Variants in FGD4 observed in about 807,000 individuals in gnomAD.
The protein encoded by FGD4 is FYVE, RhoGEF and PH domain-containing protein 4.
Under a neutral mutation model 102.0 loss-of-function variants are expected in FGD4, and 42 were observed. The observed-to-expected ratio is 0.41, with a 90% CI of 0.32 to 0.53. The LOEUF (loss-of-function observed/expected upper bound fraction) is 0.53. Ranked by LOEUF, FGD4 falls within the 20% of genes least tolerant of loss-of-function variation. The probability of loss-of-function intolerance (pLI) is 0.21; values close to 1 mark genes in which losing one functional copy is unlikely to be tolerated. For missense variants in FGD4, 902 were observed against 1,078.2 expected (o/e 0.84, Z 2.29); for synonymous variants, 380 against 375.7 (o/e 1.01, Z -0.13).
chr12:32,474,290 A>G (rs1222055263), intron 1 of FGD4, among the ~76,000 whole-genome samples: 3 of 152,204 alleles, frequency 2.0e-5, no homozygotes, highest in African/African-American at 7.2e-5. Flanking sequence ...TCCACAGAAA[A>G]CCTTGTACAT....
intron 11 of FGD4, among the ~76,000 whole-genome samples, chr12:32,623,155 G>T (rs972360697): frequency 3.3e-5 from 5 of 151,936 alleles, no homozygotes; most frequent in Admixed American, 3.3e-4. Context: ...ATACTATTAT[G>T]GTTGTCTATT....
At chr12:32,534,589 CAG>C in intron 1 of FGD4, 1 of 760,414 alleles carries the variant, frequency 1.3e-6, no homozygotes, top group South Asian at 3.3e-5. Context: ...GTAAAAGTGG[CAG>C]AGTTTGGTTT....
At chr12:32,436,984 C>G (rs1245003011) in intron 1 of FGD4, among the ~76,000 whole-genome samples, 2 of 151,892 alleles carry the variant, frequency 1.3e-5, no homozygotes, top group African/African-American at 4.8e-5. Context: ...TGGCGGGCGC[C>G]TGTAGTCCCA....
intron 1 of FGD4, among the ~76,000 whole-genome samples, chr12:32,472,351 G>A (rs1362374738): frequency 6.6e-6 from 1 of 152,214 alleles, no homozygotes; most frequent in African/African-American, 2.4e-5. Flanking sequence ...TGGAGTTCCG[G>A]GTGGGCGTGG....
chr12:32,607,385 C>T (rs1280191171), intron 7 of FGD4, among the ~76,000 whole-genome samples: 1 of 152,162 alleles, frequency 6.6e-6, no homozygotes, highest in East Asian at 1.9e-4. Context: ...GAGATCACAC[C>T]ACTGTGTGCC....
chr12:32,534,563 C>A, intron 1 of FGD4: 1 of 989,748 alleles, frequency 1.0e-6, no homozygotes. Context: ...CTTTATAACA[C>A]TGCATGCCGA....
intron 1 of FGD4, among the ~76,000 whole-genome samples, chr12:32,527,038 A>G (rs1164280069): frequency 6.6e-6 from 1 of 152,200 alleles, no homozygotes; most frequent in African/African-American, 2.4e-5. Flanking sequence ...CAGAGAGGAT[A>G]TATATTGATA....
In FGD4 at chr12:32,505,121, C is replaced by A. The variant is rs781345775; in HGVS notation, c.167-59016C>A. ...GGGATCTGAAGTGGAACAGCACCTG[C>A]AGATGCTGTCATTGCTAATGCTGCT... On this transcript the variant is annotated intron_variant, in intron 1 of 16. Transcript: ENST00000534526. Among the ~76,000 whole-genome samples the A allele has an allele frequency of 4.6e-5, 7 of 152,180 alleles. 1 individual carries two copies. Among genetic ancestry groups the A allele is most frequent in the Non-Finnish European group, 8.8e-5 (6 of 68,042 alleles).
chr12:32,526,479 T>G (rs137914722), intron 1 of FGD4, among the ~76,000 whole-genome samples: 1 of 152,272 alleles, frequency 6.6e-6, no homozygotes, highest in East Asian at 1.9e-4. Flanking sequence ...CTGATGGGGA[T>G]GTGGAGAACC....
intron 1 of FGD4, among the ~76,000 whole-genome samples, chr12:32,557,970 A>G (rs1944252428): frequency 6.6e-6 from 1 of 152,198 alleles, no homozygotes; most frequent in South Asian, 2.1e-4. Flanking sequence ...CCACCTCATC[A>G]GCCGACCAGG....
intron 11 of FGD4, among the ~76,000 whole-genome samples, chr12:32,620,516 C>CTTTA: frequency 9.2e-6 from 1 of 108,112 alleles, no homozygotes; most frequent in African/African-American, 3.7e-5. Context: ...CATTTTTTTT[C>CTTTA]TTTCTTTTTT....
chr12:32,610,741 G>A (rs766270649), intron 8 of FGD4, 35 bp from the exon 9 acceptor site: 2 of 1,582,842 alleles, frequency 1.3e-6, no homozygotes, highest in Non-Finnish European at 1.7e-6. Context: ...GAAGGACAAA[G>A]CATATTTATT....
chr12:32,590,284 T>G (rs900531156), intron 4 of FGD4, among the ~76,000 whole-genome samples: 17 of 133,234 alleles, frequency 1.3e-4, no homozygotes, highest in African/African-American at 5.0e-4. Context: ...CACTCCAGCC[T>G]GGGGGACAAG....
chr12:32,571,555 A>T (rs928489381), intron 2 of FGD4, among the ~76,000 whole-genome samples: 3 of 152,242 alleles, frequency 2.0e-5, no homozygotes, highest in Non-Finnish European at 4.4e-5. Context: ...CTGTTAATCA[A>T]GGAACTCAAA....
At chr12:32,600,367 G>C in intron 5 of FGD4, 1 of 873,046 alleles carries the variant, frequency 1.1e-6, no homozygotes, top group Non-Finnish European at 1.6e-6. Context: ...CTAACTATTG[G>C]AGCCTCTAAG....
chr12:32,497,119 T>C (rs1937870637), intron 1 of FGD4, among the ~76,000 whole-genome samples: 1 of 152,204 alleles, frequency 6.6e-6, no homozygotes, highest in African/African-American at 2.4e-5. Flanking sequence ...GTTGTTTTTT[T>C]GGCAGTGTAT....
At chr12:32,451,691 G>A (rs1240842528) in intron 1 of FGD4, among the ~76,000 whole-genome samples, 2 of 151,724 alleles carry the variant, frequency 1.3e-5, no homozygotes, top group African/African-American at 2.4e-5. Flanking sequence ...TGGATCACCC[G>A]AGGTCAGGAG....
rs61926162 is a variant in FGD4, at chr12:32,557,429, A to G, written c.167-6708A>G. On this transcript the variant is annotated intron_variant, in intron 1 of 16. Transcript: ENST00000534526. The stretch of plus-strand genomic sequence containing the variant: ...CTTTTTAAAAACTGAGATATTATAC[A>G]TATTCTACAGTTTAATAATGTCTTG... Among the ~76,000 whole-genome samples the G allele has an allele frequency of 7.0e-3, 1,062 of 152,258 alleles. 14 individuals carry two copies. Among genetic ancestry groups the G allele is most frequent in the South Asian group, 0.05 (239 of 4,822 alleles).
rs893324335 is a variant in FGD4 at position 32,485,731 on chromosome 12, A to C, written c.167-78406A>C. On this transcript the variant is annotated intron_variant, in intron 1 of 16. Transcript: ENST00000534526. ...AGTGCTGGGATTACAAGTGTGAGCCACTGCGCCTGACCAAGACCTATTTTT... is the reference window on the plus strand; with the variant it reads ...AGTGCTGGGATTACAAGTGTGAGCCCCTGCGCCTGACCAAGACCTATTTTT... The C allele has an allele frequency of 5.7e-6, 3 of 526,730 alleles. No homozygotes were observed. The African/African-American group carries it at 6.2e-5, about 11-fold the overall frequency. The allele number at this position is 526,730 out of a possible 1,614,324, so 32.6% of individuals were successfully genotyped here.
Sources: gnomAD v4.1 joint callset for allele counts (sites outside exome capture counted in the v4.1 genomes callset) on GRCh38, gnomAD v4.1.1 for gene constraint, MANE v1.5 for transcripts, NCBI Gene and HGNC (gene_info 2026-07-23, HGNC 2026-07-21) for gene names.